Variants in RERE observed in about 807,000 individuals in gnomAD.
RERE encodes arginine-glutamic acid dipeptide repeats.
Under a neutral mutation model 146.1 loss-of-function variants are expected in RERE, and 40 were observed. The ratio of observed to expected loss-of-function variants is 0.27; its 90% confidence interval spans 0.21 to 0.36. The LOEUF is 0.36. RERE is among the 10% of genes least tolerant of loss of function. The pLI is 1.00. For missense variants in RERE, 1,933 were observed against 2,138.7 expected (o/e 0.90, Z 1.90); for synonymous variants, 1,003 against 866.0 (o/e 1.16, Z -2.78).
Position 8,655,989 on chromosome 1 carries a change from C to A in RERE, c.309G>T (p.Val103=), listed in dbSNP as rs376012328. ...GCTCCTTACCTCCTGGTCTGTAGAC[C>A]ACATCATCTTCAGTGATGTAGGATG... ...EITSYITEDD[V]VYRPGDCVYI... is the part of the protein sequence containing the mutation. The change falls in exon 2 of 23, where the codon GTG becomes GTT. Residue 103 remains valine, a synonymous_variant. Coordinates refer to ENST00000400908, the MANE Select transcript of RERE (RefSeq NM_001042681.2). 1 of 1,613,720 alleles carries A rather than the reference C, an allele frequency of 6.2e-7. No homozygotes were observed. The highest frequency in any genetic ancestry group is 2.2e-5 in the East Asian group (1 of 44,882).
intron 1 of RERE, among the ~76,000 whole-genome samples, chr1:8,754,677 T>A (rs1355741618): frequency 6.6e-6 from 1 of 152,218 alleles, no homozygotes; most frequent in Non-Finnish European, 1.5e-5. Flanking sequence ...GCTGATGAAG[T>A]AGAAGTCAAG....
intron 2 of RERE, among the ~76,000 whole-genome samples, chr1:8,652,024 A>C (rs185543292): frequency 6.6e-6 from 1 of 152,286 alleles, no homozygotes; most frequent in East Asian, 1.9e-4. Context: ...ACCCTAAAGA[A>C]CAGACAATAT....
intron 12 of RERE, among the ~76,000 whole-genome samples, chr1:8,419,344 C>T (rs1156526424): frequency 1.3e-5 from 2 of 152,200 alleles, no homozygotes; most frequent in African/African-American, 2.4e-5. Flanking sequence ...CCAGATTTAG[C>T]TCTTGTGCAA....
At chr1:8,361,662 C>T in intron 17 of RERE, 101 bp downstream of exon 17, 1 of 1,331,578 alleles carries the variant, frequency 7.5e-7, no homozygotes, top group Non-Finnish European at 1.1e-6. Flanking sequence ...TCCAGCCCCA[C>T]CCTAGGAGAC....
At chr1:8,754,126 T>A (rs374833497) in intron 1 of RERE, among the ~76,000 whole-genome samples, 1 of 152,212 alleles carries the variant, frequency 6.6e-6, no homozygotes, top group Non-Finnish European at 1.5e-5. Context: ...CTTGTAAAGG[T>A]TGAAATCCCT....
At chr1:8,787,647 A>G (rs1641282140) in intron 1 of RERE, among the ~76,000 whole-genome samples, 1 of 151,998 alleles carries the variant, frequency 6.6e-6, no homozygotes, top group Non-Finnish European at 1.5e-5. Flanking sequence ...CCTGGCCAAC[A>G]TGGTGAAACC....
At chr1:8,561,822 C>T (rs1262939194) in intron 4 of RERE, among the ~76,000 whole-genome samples, 3 of 152,212 alleles carry the variant, frequency 2.0e-5, no homozygotes, top group African/African-American at 7.2e-5. Context: ...GAAAGTTAGA[C>T]ACAGGTAATT....
At chr1:8,487,714 A>C (rs1644920728) in intron 10 of RERE, among the ~76,000 whole-genome samples, 1 of 152,224 alleles carries the variant, frequency 6.6e-6, no homozygotes. Flanking sequence ...TAAAGCACAA[A>C]AAAGAAATAA....
At chr1:8,679,604 A>T (rs1027204217) in intron 1 of RERE, among the ~76,000 whole-genome samples, 1 of 152,130 alleles carries the variant, frequency 6.6e-6, no homozygotes, top group Non-Finnish European at 1.5e-5. Context: ...GTACAATCTT[A>T]AGTCTACCCT....
At chr1:8,394,459 T>C (rs901321287) in intron 12 of RERE, among the ~76,000 whole-genome samples, 1 of 152,216 alleles carries the variant, frequency 6.6e-6, no homozygotes, top group African/African-American at 2.4e-5. Context: ...AAGCAGATAA[T>C]ATTATCACCA....
chr1:8,572,956 A>T (rs1646240136), intron 4 of RERE, among the ~76,000 whole-genome samples: 1 of 152,176 alleles, frequency 6.6e-6, no homozygotes, highest in Non-Finnish European at 1.5e-5. Context: ...CTGTATTGTG[A>T]CCTGATATGT....
intron 9 of RERE, 123 bp downstream of exon 9, chr1:8,497,282 A>C (rs1645058226): frequency 9.6e-7 from 1 of 1,047,070 alleles, no homozygotes; most frequent in Non-Finnish European, 1.4e-6. Flanking sequence ...GGGTGTAACC[A>C]AACTTAAAGT....
chr1:8,423,418 C>T lies in RERE; in HGVS notation c.1204-611G>A, dbSNP rs1643944578. 6 of 446,182 alleles carry T rather than the reference C, an allele frequency of 1.3e-5. No homozygotes were observed. The highest frequency in any genetic ancestry group is 6.4e-5 in the Admixed American group (1 of 15,624). The allele number at this position is 446,182 out of a possible 1,614,324, so 27.6% of individuals were successfully genotyped here. On this transcript the variant is annotated intron_variant, in intron 11 of 22. Transcript: ENST00000400908. This position sits in a 1 kb window ranked among gnomAD's most constrained non-coding sequence, Gnocchi z 5.4. ...AGAGAATAACCAGCACCCCTTCCGC[C>T]CTCCCGACGCCACTCGCCGCCCCCA...
intron 1 of RERE, among the ~76,000 whole-genome samples, chr1:8,791,670 T>C (rs1641365219): frequency 6.6e-6 from 1 of 152,234 alleles, no homozygotes; most frequent in East Asian, 1.9e-4. Context: ...TAAATTTTAC[T>C]TTTCATGATC....
rs533418635 is a variant in RERE, at chr1:8,764,962, G to T, written c.-145+52198C>A. ...CAGTTTCTCAAAATGTTAAACAGAG[G>T]TTCCATACCCCCCAAAAATTTCACT... On this transcript the variant is annotated intron_variant, in intron 1 of 22. Coordinates refer to ENST00000400908, the MANE Select transcript of RERE (RefSeq NM_001042681.2). Among the ~76,000 whole-genome samples, 4 of 152,292 alleles carry T rather than the reference G, an allele frequency of 2.6e-5. No homozygotes were observed. In the East Asian group the frequency reaches 7.7e-4, roughly 29 times the overall value.
At chr1:8,566,127 A>G (rs1485517257) in intron 4 of RERE, among the ~76,000 whole-genome samples, 1 of 152,110 alleles carries the variant, frequency 6.6e-6, no homozygotes, top group African/African-American at 2.4e-5. Context: ...CCTTCTCCCA[A>G]CCTTGGTGTA....
chr1:8,403,825 C>CTTTTTTTTTTTTTTTTTTTTTTTTTTTT lies in RERE; in HGVS notation c.1284+18901_1284+18902insAAAAAAAAAAAAAAAAAAAAAAAAAAAA, dbSNP rs869295197. ...TCTATTTTTCTTAATAAAATCTTAG[C>CTTTTTTTTTTTTTTTTTTTTTTTTTTTT]TTTTTTTTTTTTTTTTTTTTTTTGA... On this transcript the variant is annotated intron_variant, in intron 12 of 22. Coordinates refer to ENST00000400908, the MANE Select transcript of RERE (RefSeq NM_001042681.2). Among the ~76,000 whole-genome samples, 17 of 70,862 alleles carry CTTTTTTTTTTTTTTTTTTTTTTTTTTTT rather than the reference C, an allele frequency of 2.4e-4. 3 individuals carry two copies. The highest frequency in any genetic ancestry group is 1.0e-3 in the African/African-American group (17 of 16,998). 46.5% of individuals were successfully genotyped at this position (70,862 alleles called of 152,430 possible).
intron 10 of RERE, among the ~76,000 whole-genome samples, chr1:8,482,523 C>CA (rs1014932279): frequency 2.7e-5 from 4 of 149,216 alleles, no homozygotes; most frequent in Non-Finnish European, 4.5e-5. Flanking sequence ...ACTAAAAATA[C>CA]AAAAAAAAAT....
At chr1:8,713,340 C>A (rs1639704389) in intron 1 of RERE, among the ~76,000 whole-genome samples, 1 of 152,136 alleles carries the variant, frequency 6.6e-6, no homozygotes, top group African/African-American at 2.4e-5. Flanking sequence ...GACACTCTTG[C>A]TTGAATGCAA....
Sources: gnomAD v4.1 joint callset for allele counts (sites outside exome capture counted in the v4.1 genomes callset) on GRCh38, gnomAD v4.1.1 for gene constraint, Gnocchi (gnomAD v3.1) non-coding constraint, MANE v1.5 for transcripts, NCBI Gene and HGNC (gene_info 2026-07-23, HGNC 2026-07-21) for gene names.